LATS1: variants seen among roughly 807,000 people sequenced by gnomAD.
The protein encoded by LATS1 is serine/threonine-protein kinase LATS1.
LATS1 carries 25 observed loss-of-function variants against 106.6 expected under a neutral mutation model. The observed-to-expected ratio is 0.23, with a 90% confidence interval of 0.17 to 0.33. LATS1 has a LOEUF of 0.33. LATS1 is among the 10% of genes least tolerant of loss of function. The pLI, the probability that LATS1 is intolerant of heterozygous loss-of-function variation, is 1.00. For synonymous variants in LATS1, 465 were observed against 455.6 expected (o/e 1.02, Z -0.26); for missense variants, 1,040 against 1,382.6 (o/e 0.75, Z 3.93).
intron 1 of LATS1, among the ~76,000 whole-genome samples, chr6:149,710,464 C>A (rs1562359300): frequency 6.6e-6 from 1 of 152,134 alleles, no homozygotes; most frequent in East Asian, 1.9e-4. Context: ...CTACATAGGT[C>A]ATGGGTCAGA....
At chr6:149,703,633 A>T (rs1180655261) in intron 1 of LATS1, among the ~76,000 whole-genome samples, 1 of 152,116 alleles carries the variant, frequency 6.6e-6, no homozygotes, top group Non-Finnish European at 1.5e-5. Context: ...GGAGGCCAAG[A>T]AGGGAGGACT....
chr6:149,705,077 T>A (rs1321367101), intron 1 of LATS1, among the ~76,000 whole-genome samples: 1 of 151,800 alleles, frequency 6.6e-6, no homozygotes, highest in Non-Finnish European at 1.5e-5. Flanking sequence ...CAGCTCACAT[T>A]TCTCCACTTT....
chr6:149,684,074 T>G lies in LATS1; in HGVS notation c.1015A>C (p.Asn339His). ...ATTCCAGGTCTCCCTGATGGAAAGT[T>G]AAATTTGCTAGAACTCTGCATGATG... is the stretch of plus-strand genomic sequence containing the variant. The part of the protein sequence containing the change: ...PIIMQSSSKF[N>H]FPSGRPGMQN... The change falls in exon 4 of 8, where the codon AAC (asparagine) becomes CAC (histidine). Residue 339 changes from asparagine to histidine, a missense_variant. Asn to His is a moderately conservative substitution (Grantham distance 68). Coordinates refer to ENST00000543571, the MANE Select transcript of LATS1 (RefSeq NM_004690.4). The G allele has an allele frequency of 1.9e-6, 3 of 1,614,162 alleles. No homozygotes were observed. Among genetic ancestry groups the G allele is most frequent in the Non-Finnish European group, 2.5e-6 (3 of 1,180,008 alleles).
intron 3 of LATS1, among the ~76,000 whole-genome samples, chr6:149,690,249 C>A (rs1434670941): frequency 7.9e-6 from 1 of 126,210 alleles, no homozygotes; most frequent in Admixed American, 9.0e-5. Context: ...GTTTTGTTCT[C>A]GTTGACCAGG....
In LATS1 at chr6:149,701,921, G is replaced by A. The variant is rs1326453282; in HGVS notation, c.206C>T (p.Pro69Leu). Residue 69 changes from proline (P) to leucine (L), a missense_variant, in exon 2 of 8, where the codon CCC becomes CTC. By Grantham distance (98) the Pro-to-Leu change is moderately conservative (BLOSUM62 -3). Transcript: ENST00000543571. The stretch of plus-strand genomic sequence containing the variant: ...GGCTTTATGATGCGTCCCAAATTTG[G>A]GTGGATTTCTGACTTGTCGAGGATC... Reference protein sequence around the residue: ...TEDPRQVRNPPKFGTHHKALQ... With the variant: ...TEDPRQVRNPLKFGTHHKALQ... The A allele has an allele frequency of 1.2e-6, 2 of 1,613,976 alleles. No individual in the cohort carries two copies. Among genetic ancestry groups the A allele is most frequent in the Non-Finnish European group, 1.7e-6 (2 of 1,180,012 alleles).
chr6:149,704,887 T>TACACACACAC (rs57029776), intron 1 of LATS1, among the ~76,000 whole-genome samples: 2,271 of 139,830 alleles, frequency 0.016, 42 homozygotes, highest in African/African-American at 0.032. Context: ...AAATTAATTA[T>TACACACACAC]ACACACACAC....
chr6:149,687,683 T>C (rs1027978864), intron 3 of LATS1, among the ~76,000 whole-genome samples: 1 of 152,092 alleles, frequency 6.6e-6, no homozygotes, highest in Non-Finnish European at 1.5e-5. Context: ...TCCTCCTTCC[T>C]CAGCCTCCCA....
At chr6:149,678,372 C>A (rs1582865030) in intron 5 of LATS1, among the ~76,000 whole-genome samples, 1 of 142,788 alleles carries the variant, frequency 7.0e-6, no homozygotes, top group African/African-American at 2.6e-5. Context: ...AAACAAAAAA[C>A]AACAAAAAGA....
chr6:149,690,583 A>G (rs868398226), intron 3 of LATS1, among the ~76,000 whole-genome samples: 2 of 146,676 alleles, frequency 1.4e-5, no homozygotes, highest in South Asian at 4.3e-4. Flanking sequence ...GGCTCACTCT[A>G]TTGCTCAGGC....
intron 5 of LATS1, 67 bp from the exon 6 acceptor site, chr6:149,676,804 C>G (rs1227363486): frequency 1.4e-6 from 2 of 1,405,936 alleles, no homozygotes; most frequent in Admixed American, 4.1e-5. Context: ...TCTATTTAAT[C>G]TTCTGACATC....
At chr6:149,703,961 C>T (rs1029785904) in intron 1 of LATS1, among the ~76,000 whole-genome samples, 12 of 152,200 alleles carry the variant, frequency 7.9e-5, no homozygotes, top group African/African-American at 2.9e-4. Flanking sequence ...TCAAGTAATT[C>T]ATAGTACATT....
At chr6:149,672,014 G>C (rs942087250) in intron 7 of LATS1, among the ~76,000 whole-genome samples, 3 of 151,332 alleles carry the variant, frequency 2.0e-5, no homozygotes, top group Non-Finnish European at 2.9e-5. Flanking sequence ...TCCACCTCCC[G>C]AGTAGCTGGG....
At chr6:149,711,631 G>C (rs1442475605) in intron 1 of LATS1, among the ~76,000 whole-genome samples, 3 of 151,896 alleles carry the variant, frequency 2.0e-5, no homozygotes, top group Non-Finnish European at 4.4e-5. Flanking sequence ...TAAAACCCTT[G>C]GGTCCCCGAC....
intron 5 of LATS1, 60 bp from the exon 6 acceptor site, chr6:149,676,797 A>G (rs1781750696): frequency 2.5e-5 from 36 of 1,451,486 alleles, no homozygotes; most frequent in Non-Finnish European, 3.0e-5. Flanking sequence ...CCTGAAGTCT[A>G]TTTAATCTTC....
intron 2 of LATS1, among the ~76,000 whole-genome samples, chr6:149,696,559 T>TAAAAAAAA (rs372769091): frequency 2.2e-5 from 1 of 45,820 alleles, no homozygotes; most frequent in Non-Finnish European, 3.8e-5. Flanking sequence ...AACTCCGTCT[T>TAAAAAAAA]AAAAAAAAAA....
intron 1 of LATS1, among the ~76,000 whole-genome samples, chr6:149,707,827 T>C (rs959450917): frequency 6.6e-6 from 1 of 152,172 alleles, no homozygotes; most frequent in Non-Finnish European, 1.5e-5. Flanking sequence ...TGAAAACTGT[T>C]GTAGCTGAGT....
Position 149,684,083 on chromosome 6 carries a change from T to C in LATS1, c.1006A>G (p.Ser336Gly), listed in dbSNP as rs1003949757. 1.2e-6 allele frequency: 2 copies of C among 1,614,220 alleles called. No homozygotes were observed. The highest frequency in any genetic ancestry group is 1.1e-5 in the South Asian group (1 of 91,082). ...CTCCCTGATGGAAAGTTAAATTTGC[T>C]AGAACTCTGCATGATGATTGGTTGT... ...GRQPIIMQSSSKFNFPSGRPG... is the reference protein window; with the variant it reads ...GRQPIIMQSSGKFNFPSGRPG... Residue 336 changes from serine (S) to glycine (G), a missense_variant, in exon 4 of 8, where the codon AGC becomes GGC. Around this residue, in one of 7 missense-constraint regions of LATS1, gnomAD observed 624 missense variants for 714.8 expected, o/e 0.87. Transcript: ENST00000543571.
chr6:149,685,903 C>T (rs1191302688), intron 3 of LATS1, among the ~76,000 whole-genome samples: 1 of 151,392 alleles, frequency 6.6e-6, no homozygotes, highest in East Asian at 1.9e-4. Flanking sequence ...AAAGACAATA[C>T]ATATATACAT....
At position 149,697,995 on chromosome 6, in the gene LATS1, C is replaced by T. The variant is rs1360225617; in HGVS notation, c.349-2774G>A. 2.0e-5 allele frequency among the ~76,000 whole-genome samples: 3 copies of T among 152,308 alleles called. No individual in the cohort carries two copies. In the East Asian group the frequency reaches 5.8e-4, roughly 29 times the overall value. On this transcript the variant is annotated intron_variant, in intron 2 of 7. Coordinates refer to ENST00000543571, the MANE Select transcript of LATS1 (RefSeq NM_004690.4). ...CCTCAAGTGATCTACCCACCTTGGC[C>T]TCCTGAAGTGCTGGCATTACCGGTG...
Sources: allele counts gnomAD v4.1 joint callset (sites outside exome capture counted in the v4.1 genomes callset), GRCh38; gene constraint gnomAD v4.1.1; regional missense constraint gnomAD v4.1.1; transcripts MANE v1.5; gene names NCBI Gene and HGNC (gene_info 2026-07-23, HGNC 2026-07-21).